The following BCO2 variants were observed in gnomAD, a reference collection of about 807,000 sequenced individuals.
BCO2 encodes carotenoid-cleaving dioxygenase, mitochondrial.
A neutral mutation model predicts 65.8 loss-of-function variants in BCO2; 56 were observed. That is an observed-to-expected ratio of 0.85 (90% CI 0.69 to 1.06). BCO2 has a LOEUF of 1.06. Among genes scored for constraint, BCO2 ranks in the 50% least tolerant of loss-of-function variants. BCO2 has a pLI of 0.00. For missense variants in BCO2, 675 were observed against 698.5 expected (o/e 0.97, Z 0.38); for synonymous variants, 233 against 242.3 (o/e 0.96, Z 0.36).
At chr11:112,193,393 G>T in intron 2 of BCO2, 81 bp from the exon 3 acceptor site, 1 of 1,252,852 alleles carries the variant, frequency 8.0e-7, no homozygotes, top group Non-Finnish European at 1.1e-6. Context: ...CTTTATATTT[G>T]AAATGAAGAT....
At chr11:112,194,197 C>T (rs1851971257) in intron 4 of BCO2, 2 of 525,780 alleles carry the variant, frequency 3.8e-6, no homozygotes, top group Admixed American at 3.1e-5. Flanking sequence ...TAAACTCCTT[C>T]CTTAGTCCTA....
intron 1 of BCO2, 87 bp from the exon 2 acceptor site, chr11:112,179,191 T>C: frequency 7.9e-7 from 1 of 1,265,188 alleles, no homozygotes; most frequent in South Asian, 1.2e-5. Flanking sequence ...AAGCTGCCAG[T>C]TGATAAGATT....
chr11:112,178,160 C>T (rs981002625), intron 1 of BCO2, among the ~76,000 whole-genome samples: 1 of 151,930 alleles, frequency 6.6e-6, no homozygotes, highest in Non-Finnish European at 1.5e-5. Flanking sequence ...GGTGATCCAC[C>T]TGCCTTGGCC....
chr11:112,181,289 C>T, intron 2 of BCO2: 1 of 551,530 alleles, frequency 1.8e-6, no homozygotes, highest in South Asian at 2.0e-5. Flanking sequence ...TCACGCCATT[C>T]TCCTGCCTCA....
chr11:112,206,163 G>A (rs1867863140), intron 8 of BCO2, among the ~76,000 whole-genome samples: 1 of 151,390 alleles, frequency 6.6e-6, no homozygotes, highest in Non-Finnish European at 1.5e-5. Context: ...AGACAGGGCG[G>A]GGGCCGGGCA....
intron 6 of BCO2, 121 bp downstream of exon 6, chr11:112,199,948 G>T: frequency 3.2e-6 from 4 of 1,241,696 alleles, no homozygotes; most frequent in Non-Finnish European, 4.4e-6. Flanking sequence ...TGAGACCAAG[G>T]TTGCATTTTG....
In BCO2 at chr11:112,213,811, A is replaced by C; in HGVS notation, c.1282A>C (p.Ser428Arg). ...SLNAPEGDNL[S>R]PLSYTSASAV... ...GAATGCCCCTGAGGGAGACAACCTGAGTCCATTGTCCTATACTTCAGCCAG... is the reference window on the plus strand; with the variant it reads ...GAATGCCCCTGAGGGAGACAACCTGCGTCCATTGTCCTATACTTCAGCCAG... Residue 428 changes from serine to arginine, a missense_variant, in exon 9 of 12, where the codon AGT (serine) becomes CGT (arginine). Coordinates refer to ENST00000357685, the MANE Select transcript of BCO2 (RefSeq NM_031938.7). 1 of 1,613,414 alleles carries C rather than the reference A, an allele frequency of 6.2e-7. No individual in the cohort carries two copies. The highest frequency in any genetic ancestry group is 8.5e-7 in the Non-Finnish European group (1 of 1,179,732).
rs781120893 is a variant in BCO2, at chr11:112,179,483, G to A, written c.293+1G>A. On this transcript the variant is annotated splice_donor_variant, in intron 2 of 11. Transcript: ENST00000357685. LOFTEE classifies it high-confidence loss of function. Reference sequence around the variant, plus strand: ...GGAAATTCGAGTTTGGGAAGGATAAGTAAGCCTTGATTTTGGAGAACAACT... The same window carrying A: ...GGAAATTCGAGTTTGGGAAGGATAAATAAGCCTTGATTTTGGAGAACAACT... The A allele has an allele frequency of 3.1e-6, 5 of 1,613,286 alleles. No individual in the cohort carries two copies. The highest frequency in any genetic ancestry group is 4.2e-6 in the Non-Finnish European group (5 of 1,179,480).
At chr11:112,208,533 A>T (rs1281853602) in intron 8 of BCO2, 9 of 164,848 alleles carry the variant, frequency 5.5e-5, no homozygotes, top group African/African-American at 2.2e-4. Context: ...GCAGCATTTT[A>T]CCATGAAGCA....
chr11:112,180,218 C>A (rs1866996997), intron 2 of BCO2, among the ~76,000 whole-genome samples: 1 of 152,230 alleles, frequency 6.6e-6, no homozygotes, highest in Non-Finnish European at 1.5e-5. Flanking sequence ...TCTTAGTACT[C>A]AGCAAATTCA....
intron 2 of BCO2, among the ~76,000 whole-genome samples, chr11:112,183,726 G>A (rs1174691877): frequency 9.2e-5 from 14 of 152,166 alleles, no homozygotes; most frequent in Non-Finnish European, 2.1e-4. Context: ...AATATGGTGA[G>A]ATCAGACTCC....
chr11:112,182,013 A>G (rs1415068550), intron 2 of BCO2: 5 of 402,284 alleles, frequency 1.2e-5, no homozygotes, highest in Non-Finnish European at 2.3e-5. Context: ...CAAGAAAAAA[A>G]TCAAACAACC....
intron 8 of BCO2, chr11:112,208,819 A>G: frequency 5.3e-6 from 1 of 190,436 alleles, no homozygotes; most frequent in Non-Finnish European, 1.2e-5. Context: ...GAAGTAATGA[A>G]AACATTACCT....
chr11:112,179,390 C>T lies in BCO2; in HGVS notation c.201C>T (p.Gly67=). 1 of 1,614,154 alleles carries T rather than the reference C, an allele frequency of 6.2e-7. No homozygotes were observed. Among genetic ancestry groups the T allele is most frequent in the Non-Finnish European group, 8.5e-7 (1 of 1,180,016 alleles). The change falls in exon 2 of 12, where the codon GGC becomes GGT. Residue 67 remains glycine (G), a synonymous_variant. Transcript: ENST00000357685. The part of the protein sequence containing the change: ...LLTTVEEAPR[G]ISARVWGHFP... ...CCACAGTGGAAGAGGCTCCACGGGG[C>T]ATCTCTGCTCGAGTCTGGGGACATT... is the stretch of plus-strand genomic sequence containing the variant.
intron 8 of BCO2, among the ~76,000 whole-genome samples, chr11:112,209,792 T>G (rs1395925489): frequency 6.6e-6 from 1 of 152,228 alleles, no homozygotes; most frequent in Non-Finnish European, 1.5e-5. Flanking sequence ...TACCCTTCCA[T>G]TCCTGAAGTA....
At chr11:112,183,072 G>C in intron 2 of BCO2, 1 of 1,201,838 alleles carries the variant, frequency 8.3e-7, no homozygotes, top group Non-Finnish European at 1.2e-6. Flanking sequence ...AACTGATTTA[G>C]ATAACTGTGA....
chr11:112,175,568 G>A lies in BCO2; in HGVS notation c.-34G>A. 6.6e-7 allele frequency: 1 copy of A among 1,526,094 alleles called. No homozygotes were observed. Among genetic ancestry groups the A allele is most frequent in the Non-Finnish European group, 9.1e-7 (1 of 1,099,908 alleles). 94.5% of individuals were successfully genotyped at this position (1,526,094 alleles called of 1,614,324 possible). On this transcript the variant is annotated 5_prime_UTR_variant, in exon 1 of 12. Coordinates refer to ENST00000357685, the MANE Select transcript of BCO2 (RefSeq NM_031938.7). ...GTACTCAAAACTGCCAGTGTGAGAG[G>A]ATTTGGAAATCACTGGATCTGCTCA...
chr11:112,206,720 C>A (rs1859352397), intron 8 of BCO2, among the ~76,000 whole-genome samples: 1 of 152,128 alleles, frequency 6.6e-6, no homozygotes, highest in African/African-American at 2.4e-5. Context: ...TGTGCAGAAA[C>A]TTTTAAATTT....
At chr11:112,194,872 A>G in intron 5 of BCO2, 117 bp downstream of exon 5, 1 of 600,028 alleles carries the variant, frequency 1.7e-6, no homozygotes, top group Non-Finnish European at 2.9e-6. Context: ...GGTGCTCTGG[A>G]CACCTCTACA....
Sources: allele counts gnomAD v4.1 joint callset (sites outside exome capture counted in the v4.1 genomes callset), GRCh38; gene constraint gnomAD v4.1.1; transcripts MANE v1.5; gene names NCBI Gene and HGNC (gene_info 2026-07-23, HGNC 2026-07-21).